The following VGLL4 variants were observed in gnomAD, a reference collection of about 807,000 sequenced individuals.
The protein encoded by VGLL4 is vestigial like family member 4.
In VGLL4, 7 loss-of-function variants were observed where a neutral mutation model predicts 21.0. The ratio of observed to expected loss-of-function variants is 0.33; its 90% CI spans 0.19 to 0.63. The LOEUF is 0.63. VGLL4 is among the 20% of genes least tolerant of loss of function. VGLL4 has a pLI of 0.78. For missense variants in VGLL4, 394 were observed against 425.7 expected (o/e 0.93, Z 0.66); for synonymous variants, 222 against 173.2 (o/e 1.28, Z -2.21).
chr3:11,641,890 C>G (rs1486483582), intron 1 of VGLL4, among the ~76,000 whole-genome samples: 1 of 152,138 alleles, frequency 6.6e-6, no homozygotes, highest in Non-Finnish European at 1.5e-5. Flanking sequence ...TATCAATTTC[C>G]TAACAATCTT....
intron 2 of VGLL4, among the ~76,000 whole-genome samples, chr3:11,681,219 T>C (rs1559941715): frequency 6.6e-6 from 1 of 152,110 alleles, no homozygotes; most frequent in Non-Finnish European, 1.5e-5. Context: ...TGCCTCAGCC[T>C]CCCGAGTAGC....
At chr3:11,579,037 T>C (rs1014851818) in intron 2 of VGLL4, among the ~76,000 whole-genome samples, 6 of 152,226 alleles carry the variant, frequency 3.9e-5, no homozygotes, top group South Asian at 4.1e-4. Flanking sequence ...CGTGAGCCAC[T>C]GCACCTGGCC....
intron 1 of VGLL4, chr3:11,703,150 C>A: frequency 2.1e-6 from 2 of 974,218 alleles, no homozygotes; most frequent in Non-Finnish European, 2.9e-6. Context: ...AAATGCAAAT[C>A]ATTCTTCTAA....
Position 11,643,818 on chromosome 3 carries a change from A to G in VGLL4, c.-300T>C. ...CAAGTCCTTCCTGGAAATGGAAAAG[A>G]GTGAAAAAGAGAAACGCGCAGCCCG... On this transcript the variant is annotated 5_prime_UTR_variant, in exon 1 of 5. Transcript: ENST00000430365. The G allele has an allele frequency of 9.1e-7, 1 of 1,094,212 alleles. No individual in the cohort carries two copies. The highest frequency in any genetic ancestry group is 1.1e-6 in the Non-Finnish European group (1 of 899,630). 67.8% of individuals were successfully genotyped at this position (1,094,212 alleles called of 1,614,324 possible).
At chr3:11,693,730 G>T (rs1043353203) in intron 2 of VGLL4, among the ~76,000 whole-genome samples, 2 of 152,166 alleles carry the variant, frequency 1.3e-5, no homozygotes, top group African/African-American at 4.8e-5. Flanking sequence ...ATGAACGGGG[G>T]ATGAAGGACT....
chr3:11,713,393 G>GT (rs1365737706), intron 1 of VGLL4, among the ~76,000 whole-genome samples: 2 of 151,928 alleles, frequency 1.3e-5, no homozygotes, highest in African/African-American at 4.8e-5. Context: ...TCACGCTGCC[G>GT]TAATTTGAAG....
intron 2 of VGLL4, among the ~76,000 whole-genome samples, chr3:11,576,353 C>G (rs1474359747): frequency 1.3e-5 from 2 of 152,182 alleles, no homozygotes; most frequent in African/African-American, 4.8e-5. Context: ...TTTAAAATTC[C>G]TACTGCTAAT....
intron 1 of VGLL4, among the ~76,000 whole-genome samples, chr3:11,616,273 T>G (rs2075161447): frequency 1.3e-5 from 2 of 152,146 alleles, no homozygotes; most frequent in Admixed American, 1.3e-4. Context: ...AAGCCTCACC[T>G]TCTTCAAGCT....
upstream of VGLL4, chr3:11,721,309 T>G (rs1168351762): frequency 6.6e-6 from 1 of 152,252 alleles, no homozygotes; most frequent in Non-Finnish European, 1.5e-5. Context: ...CTGTTGGATA[T>G]GCAAAGACAG....
intron 1 of VGLL4, among the ~76,000 whole-genome samples, chr3:11,711,085 T>C (rs1336263937): frequency 2.0e-5 from 3 of 146,596 alleles, no homozygotes; most frequent in African/African-American, 7.7e-5. Flanking sequence ...AGCAACAGAG[T>C]GAGACTCCAT....
At chr3:11,626,525 G>A (rs563485943) in intron 1 of VGLL4, 63 of 428,922 alleles carry the variant, frequency 1.5e-4, no homozygotes, top group African/African-American at 4.5e-4. Flanking sequence ...TTGAAAGGCA[G>A]TAATATTTGA....
chr3:11,595,701 T>C (rs558087131), intron 2 of VGLL4, among the ~76,000 whole-genome samples: 316 of 151,720 alleles, frequency 2.1e-3, no homozygotes, highest in Middle Eastern at 3.4e-3. Context: ...ATGGATGAAA[T>C]TGGAAATCAT....
rs535298910 is a variant in VGLL4 at position 11,719,028 on chromosome 3, G to A, written c.-14+1366C>T. ...GGAGACTTCAAGCAAAACAAAAAGC[G>A]AACAGCCCTGTGCTCTTCCGCGAGG... On this transcript the variant is annotated intron_variant, in intron 1 of 5. Coordinates refer to the VGLL4 transcript ENST00000273038. The surrounding 1 kb of genome is among the most constrained non-coding windows in gnomAD (Gnocchi z 4.0). 6.6e-6 allele frequency among the ~76,000 whole-genome samples: 1 copy of A among 152,322 alleles called. No individual in the cohort carries two copies. The highest frequency in any genetic ancestry group is 1.9e-4 in the East Asian group (1 of 5,182).
In VGLL4 at chr3:11,719,769, C is replaced by G. The variant is rs944334712; in HGVS notation, c.-14+625G>C. 1.9e-4 allele frequency: 29 copies of G among 152,236 alleles called. No homozygotes were observed. The highest frequency in any genetic ancestry group is 6.0e-4 in the African/African-American group (25 of 41,444). 9.4% of individuals were successfully genotyped at this position (152,236 alleles called of 1,614,324 possible). On this transcript the variant is annotated intron_variant, in intron 1 of 5. Transcript: ENST00000273038. This position sits in a 1 kb window ranked among gnomAD's most constrained non-coding sequence, Gnocchi z 4.0. The stretch of plus-strand genomic sequence containing the variant: ...GGAGGGAGATAGGGGCGAGGCCTCC[C>G]GCGGCAGGGAGAGGCCGCTTTCCCT...
chr3:11,694,690 C>A (rs1320202359), intron 2 of VGLL4, among the ~76,000 whole-genome samples: 1 of 151,676 alleles, frequency 6.6e-6, no homozygotes, highest in Non-Finnish European at 1.5e-5. Flanking sequence ...AAGAAATAGT[C>A]AAATTATGTC....
upstream of VGLL4, among the ~76,000 whole-genome samples, chr3:11,645,358 A>T (rs2075773352): frequency 6.6e-6 from 1 of 151,434 alleles, no homozygotes; most frequent in Non-Finnish European, 1.5e-5. Context: ...TGGGAGGCCG[A>T]GGCGGGTGGA....
In VGLL4 at chr3:11,638,819, C is replaced by T. The variant is rs57697599; in HGVS notation, c.82+4618G>A. On this transcript the variant is annotated intron_variant, in intron 1 of 4. Coordinates refer to ENST00000430365, the MANE Select transcript of VGLL4 (RefSeq NM_001128219.3). ...CAATGAAGCCAGGACTCCACTCAAC[C>T]GCTGGTGGTTAGACTGGTGGAAAAC... Among the ~76,000 whole-genome samples, 46 of 152,236 alleles carry T rather than the reference C, an allele frequency of 3.0e-4. No homozygotes were observed. The South Asian group carries it at 8.7e-3, about 29-fold the overall frequency.
chr3:11,613,867 C>G (rs1424665485), intron 1 of VGLL4, among the ~76,000 whole-genome samples: 2 of 152,308 alleles, frequency 1.3e-5, no homozygotes, highest in East Asian at 3.9e-4. Context: ...GTCCTTCTCG[C>G]TACTCATGAC....
At chr3:11,609,488 T>C (rs1243778179) in intron 1 of VGLL4, among the ~76,000 whole-genome samples, 1 of 152,232 alleles carries the variant, frequency 6.6e-6, no homozygotes, top group Non-Finnish European at 1.5e-5. Flanking sequence ...ATTCATTTAT[T>C]CGAATACTAC....
Sources: allele counts gnomAD v4.1 joint callset (sites outside exome capture counted in the v4.1 genomes callset), GRCh38; gene constraint gnomAD v4.1.1; non-coding constraint Gnocchi (gnomAD v3.1); transcripts MANE v1.5; gene names NCBI Gene and HGNC (gene_info 2026-07-23, HGNC 2026-07-21).